The following MTOR variants were observed in gnomAD, a reference collection of about 807,000 sequenced individuals.
The protein encoded by MTOR is serine/threonine-protein kinase mTOR.
In MTOR, 70 loss-of-function variants were observed where a neutral mutation model predicts 319.8. That is an observed-to-expected ratio of 0.22 (90% CI 0.18 to 0.27). MTOR has a LOEUF of 0.27. MTOR is among the 10% of genes least tolerant of loss of function. MTOR has a pLI of 1.00. For missense variants in MTOR, 1,890 were observed against 3,274.4 expected, an observed-to-expected ratio of 0.58 and a Z score of 10.32; for synonymous variants, 1,183 against 1,211.4, an observed-to-expected ratio of 0.98 and a Z score of 0.49.
Position 11,128,342 on chromosome 1 carries a change from G to C in MTOR, c.5910+112C>G. ...TGGCTGGACAGACCCTCCTGGGCCA[G>C]GATGGAACACATGGCTCCCAGTTCC... is the stretch of plus-strand genomic sequence containing the variant. On this transcript the variant is annotated intron_variant, in intron 42 of 57. Transcript: ENST00000361445. This position sits in a 1 kb window ranked among gnomAD's most constrained non-coding sequence, Gnocchi z 5.3. 7.7e-7 allele frequency: 1 copy of C among 1,292,690 alleles called. No individual in the cohort carries two copies. The highest frequency in any genetic ancestry group is 1.3e-5 in the South Asian group (1 of 78,030). The allele number at this position is 1,292,690 out of a possible 1,614,324, so 80.1% of individuals were successfully genotyped here.
chr1:11,202,245 T>C (rs997749463), intron 26 of MTOR, among the ~76,000 whole-genome samples: 1 of 151,914 alleles, frequency 6.6e-6, no homozygotes, highest in African/African-American at 2.4e-5. Flanking sequence ...CTGGCTAACA[T>C]GGTGAAATCC....
chr1:11,162,687 C>T (rs1385113502), intron 29 of MTOR, among the ~76,000 whole-genome samples: 2 of 152,150 alleles, frequency 1.3e-5, no homozygotes, highest in Admixed American at 1.3e-4. Flanking sequence ...CCAAACTAAG[C>T]TTCATAAGTG....
intron 34 of MTOR, among the ~76,000 whole-genome samples, chr1:11,140,488 T>C (rs1643644266): frequency 1.3e-5 from 2 of 152,170 alleles, no homozygotes; most frequent in Admixed American, 1.3e-4. Context: ...CCTCCTGCTG[T>C]GCCTCCCGGT....
chr1:11,244,720 G>T (rs1466774650), intron 8 of MTOR, among the ~76,000 whole-genome samples: 1 of 152,218 alleles, frequency 6.6e-6, no homozygotes, highest in Non-Finnish European at 1.5e-5. Context: ...TATGATGGTG[G>T]TCCCATAAGA....
chr1:11,165,502 A>G (rs1644614818), intron 29 of MTOR, among the ~76,000 whole-genome samples: 1 of 152,064 alleles, frequency 6.6e-6, no homozygotes, highest in Non-Finnish European at 1.5e-5. Flanking sequence ...CAATTGCTTC[A>G]AAGAGAATAA....
intron 28 of MTOR, among the ~76,000 whole-genome samples, chr1:11,170,038 G>T (rs1644764078): frequency 6.6e-6 from 1 of 152,198 alleles, no homozygotes; most frequent in Non-Finnish European, 1.5e-5. Flanking sequence ...GATTCGTTGG[G>T]GAAGCTATGC....
chr1:11,110,409 C>CT lies in MTOR; in HGVS notation c.7367-681dup, dbSNP rs953842636. Among the ~76,000 whole-genome samples, 19 of 149,562 alleles carry CT rather than the reference C, an allele frequency of 1.3e-4. 1 individual carries two copies. Among genetic ancestry groups the CT allele is most frequent in the South Asian group, 8.5e-4 (4 of 4,724 alleles). ...AATGAAGGTAGTGATAATTATACTT[C>CT]TTTTTTTTTTGAGACGGAGTTTCGC... On this transcript the variant is annotated intron_variant, in intron 54 of 57. Coordinates refer to ENST00000361445, the MANE Select transcript of MTOR (RefSeq NM_004958.4).
intron 54 of MTOR, among the ~76,000 whole-genome samples, chr1:11,110,112 A>G (rs1387677565): frequency 3.3e-5 from 5 of 152,350 alleles, no homozygotes; most frequent in South Asian, 4.1e-4. Flanking sequence ...AAATTGCATT[A>G]ACAAAATAAA....
chr1:11,136,073 G>A (rs1643402572), intron 36 of MTOR, among the ~76,000 whole-genome samples: 1 of 152,180 alleles, frequency 6.6e-6, no homozygotes, highest in Non-Finnish European at 1.5e-5. Context: ...GGCAGAGGTT[G>A]CAGTGAGCCG....
In MTOR at chr1:11,210,025, G is replaced by A. The variant is rs558783935; in HGVS notation, c.3655-567C>T. On this transcript the variant is annotated intron_variant, in intron 24 of 57. Transcript: ENST00000361445. Reference sequence around the variant, plus strand: ...TGGGACTACAGGTGCACACCACCATGCCCGGCTAATTTTTGTATTTTTAAT... The same window carrying A: ...TGGGACTACAGGTGCACACCACCATACCCGGCTAATTTTTGTATTTTTAAT... Among the ~76,000 whole-genome samples the A allele has an allele frequency of 2.6e-5, 4 of 152,182 alleles. No homozygotes were observed. The South Asian group carries it at 6.2e-4, about 24-fold the overall frequency.
chr1:11,253,554 C>G (rs1403228105), intron 6 of MTOR, among the ~76,000 whole-genome samples: 1 of 152,122 alleles, frequency 6.6e-6, no homozygotes, highest in Admixed American at 6.6e-5. Flanking sequence ...AGTCCCCCGG[C>G]CTGCTGCAAG....
At position 11,128,418 on chromosome 1, in the gene MTOR, TG is replaced by T. The variant is rs767737933; in HGVS notation, c.5910+35del. On this transcript the variant is annotated intron_variant, in intron 42 of 57. Transcript: ENST00000361445. The surrounding 1 kb of genome is among the most constrained non-coding windows in gnomAD (Gnocchi z 5.3). ...TTGGAAAGGCTGACCACCAAACCAGTGGTTAGATGAGAAACTGCCCAGAGTC... is the reference window on the plus strand; with the variant it reads ...TTGGAAAGGCTGACCACCAAACCAGTGTTAGATGAGAAACTGCCCAGAGTC... The T allele has an allele frequency of 1.3e-5, 20 of 1,594,006 alleles. No individual in the cohort carries two copies. Among genetic ancestry groups the T allele is most frequent in the Non-Finnish European group, 1.6e-5 (19 of 1,162,470 alleles).
At chr1:11,181,914 T>C (rs749098732) in intron 28 of MTOR, among the ~76,000 whole-genome samples, 7 of 152,120 alleles carry the variant, frequency 4.6e-5, no homozygotes, top group Non-Finnish European at 7.4e-5. Flanking sequence ...GAGAAGTAGA[T>C]ACACAAAAAA....
At position 11,115,807 on chromosome 1, in the gene MTOR, G is replaced by C. The variant is rs1444823035; in HGVS notation, c.7017-339C>G. ...AATGTGGGCTTATGTGTGAATCACA[G>C]GTTGTCCCACTGTACTGAGATACTG... On this transcript the variant is annotated intron_variant, in intron 50 of 57. Transcript: ENST00000361445. This position sits in a 1 kb window ranked among gnomAD's most constrained non-coding sequence, Gnocchi z 4.5. The C allele has an allele frequency of 3.6e-6, 1 of 275,760 alleles. No individual in the cohort carries two copies. Among genetic ancestry groups the C allele is most frequent in the Non-Finnish European group, 7.2e-6 (1 of 139,712 alleles). The allele number at this position is 275,760 out of a possible 1,614,324, so 17.1% of individuals were successfully genotyped here.
Position 11,174,040 on chromosome 1 carries a change from A to G in MTOR, c.4254-6523T>C, listed in dbSNP as rs183470851. ...ACTATTATTAATATTCTCATTTTAT[A>G]TATGAAGAAAACACAGCCCAGTAGG... On this transcript the variant is annotated intron_variant, in intron 28 of 57. Coordinates refer to ENST00000361445, the MANE Select transcript of MTOR (RefSeq NM_004958.4). Among the ~76,000 whole-genome samples, 475 of 152,350 alleles carry G rather than the reference A, an allele frequency of 3.1e-3. 1 individual carries two copies. Among genetic ancestry groups the G allele is most frequent in the Non-Finnish European group, 4.8e-3 (326 of 68,042 alleles).
In MTOR at chr1:11,204,490, C is replaced by A. The variant is rs1646076057; in HGVS notation, c.3944+71G>T. 2.7e-6 allele frequency: 4 copies of A among 1,486,212 alleles called. No homozygotes were observed. The Admixed American group carries it at 6.6e-5, about 25-fold the overall frequency. The allele number at this position is 1,486,212 out of a possible 1,614,324, so 92.1% of individuals were successfully genotyped here. On this transcript the variant is annotated intron_variant, in intron 26 of 57. Transcript: ENST00000361445. ...AATACCAGCCCCTTGATTATTACTT[C>A]TAATAAAAACTAATTTGTATATATC...
intron 49 of MTOR, among the ~76,000 whole-genome samples, chr1:11,118,014 G>A (rs1178691104): frequency 1.3e-5 from 2 of 151,794 alleles, no homozygotes; most frequent in African/African-American, 4.8e-5. Context: ...AGGAGGCAGA[G>A]GTTGAAGTGA....
intron 28 of MTOR, among the ~76,000 whole-genome samples, chr1:11,168,758 G>A (rs954519089): frequency 1.3e-5 from 2 of 152,214 alleles, no homozygotes; most frequent in Non-Finnish European, 2.9e-5. Flanking sequence ...CCTGCAGTTG[G>A]TTCATCAGAG....
intron 34 of MTOR, among the ~76,000 whole-genome samples, chr1:11,141,793 T>C (rs531518748): frequency 2.7e-5 from 4 of 149,644 alleles, no homozygotes; most frequent in Admixed American, 2.6e-4. Context: ...GAGATCATCC[T>C]GGCTAATACG....
Sources: allele counts gnomAD v4.1 joint callset (sites outside exome capture counted in the v4.1 genomes callset), GRCh38; gene constraint gnomAD v4.1.1; non-coding constraint Gnocchi (gnomAD v3.1); transcripts MANE v1.5; gene names NCBI Gene and HGNC (gene_info 2026-07-23, HGNC 2026-07-21).